Variants in SPAG16 observed in about 807,000 individuals in gnomAD.
The protein encoded by SPAG16 is sperm associated antigen 16.
Under a neutral mutation model 80.4 loss-of-function variants are expected in SPAG16, and 86 were observed. The ratio of observed to expected loss-of-function variants is 1.07; its 90% confidence interval spans 0.90 to 1.28. SPAG16 has a LOEUF of 1.28. SPAG16 is among the 50% of genes most tolerant of loss of function. The pLI is 0.00. For synonymous variants in SPAG16, 294 were observed against 265.9 expected (o/e 1.11, Z -1.03); for missense variants, 870 against 765.3 (o/e 1.14, Z -1.61).
chr2:214,096,797 A>G (rs2052621253), intron 13 of SPAG16, among the ~76,000 whole-genome samples: 1 of 152,090 alleles, frequency 6.6e-6, no homozygotes, highest in African/African-American at 2.4e-5. Flanking sequence ...TTCAGCAAAC[A>G]TTTTAAAAGC....
At chr2:213,756,022 C>T (rs1345467180) in intron 10 of SPAG16, among the ~76,000 whole-genome samples, 1 of 152,170 alleles carries the variant, frequency 6.6e-6, no homozygotes, top group East Asian at 1.9e-4. Flanking sequence ...CAAGATTATG[C>T]AGCTACTTAA....
intron 7 of SPAG16, among the ~76,000 whole-genome samples, chr2:213,361,729 C>T (rs1203364318): frequency 2.0e-5 from 3 of 151,188 alleles, no homozygotes; most frequent in Non-Finnish European, 4.4e-5. Context: ...CTGTAGTGGG[C>T]ACCTGCAGAG....
chr2:214,139,966 G>A (rs77212883), intron 14 of SPAG16, among the ~76,000 whole-genome samples: 1 of 152,052 alleles, frequency 6.6e-6, no homozygotes, highest in Admixed American at 6.6e-5. Context: ...GACTTATAAG[G>A]CTCTACTTGA....
intron 10 of SPAG16, among the ~76,000 whole-genome samples, chr2:213,844,712 T>TTA (rs1450513111): frequency 6.6e-6 from 1 of 152,188 alleles, no homozygotes; most frequent in Non-Finnish European, 1.5e-5. Flanking sequence ...TAAATTAGTT[T>TTA]TAAATATTCA....
At chr2:213,713,808 T>G (rs2066112335) in intron 10 of SPAG16, among the ~76,000 whole-genome samples, 1 of 152,174 alleles carries the variant, frequency 6.6e-6, no homozygotes, top group African/African-American at 2.4e-5. Context: ...TTTAAGACCA[T>G]GAGGTAGCTT....
At chr2:213,320,116 A>G (rs2063553293) in intron 5 of SPAG16, among the ~76,000 whole-genome samples, 1 of 152,010 alleles carries the variant, frequency 6.6e-6, no homozygotes, top group Admixed American at 6.6e-5. Flanking sequence ...CTTTCACAGC[A>G]CATTTTAGTA....
intron 15 of SPAG16, among the ~76,000 whole-genome samples, chr2:214,274,303 T>C (rs1190280692): frequency 6.6e-6 from 1 of 152,332 alleles, no homozygotes. Flanking sequence ...TCCTGCCTGA[T>C]TGCCCTGGCC....
At chr2:213,506,112 C>G (rs2074956871) in intron 10 of SPAG16, among the ~76,000 whole-genome samples, 1 of 151,982 alleles carries the variant, frequency 6.6e-6, no homozygotes, top group African/African-American at 2.4e-5. Flanking sequence ...TAGAATTAAA[C>G]TACGTCTATC....
intron 10 of SPAG16, among the ~76,000 whole-genome samples, chr2:213,785,983 G>A (rs560802177): frequency 7.9e-5 from 12 of 151,466 alleles, no homozygotes; most frequent in African/African-American, 2.4e-4. Context: ...CTCCAGCCTC[G>A]GCGACAAGAG....
chr2:213,411,804 C>T (rs754296102), intron 9 of SPAG16, among the ~76,000 whole-genome samples: 2 of 151,870 alleles, frequency 1.3e-5, no homozygotes, highest in African/African-American at 2.4e-5. Flanking sequence ...CTCATAAAAA[C>T]GGCACTTACT....
At chr2:213,608,805 C>G (rs1289007541) in intron 10 of SPAG16, among the ~76,000 whole-genome samples, 1 of 152,252 alleles carries the variant, frequency 6.6e-6, no homozygotes. Context: ...CCTGCCTCAG[C>G]CTCCCGAGTA....
rs538521074 is a variant in SPAG16, at chr2:214,140,206, C to CT, written c.1594-8924dup. On this transcript the variant is annotated intron_variant, in intron 14 of 15. Transcript: ENST00000331683. ...TTGGCAGAGTTTCCTTTTTCTCTCT[C>CT]TTTTTTTTTTGTTTTGTTTGTCACC... is the stretch of plus-strand genomic sequence containing the variant. Among the ~76,000 whole-genome samples, 226 of 147,664 alleles carry CT rather than the reference C, an allele frequency of 1.5e-3. 1 individual carries two copies. The highest frequency in any genetic ancestry group is 2.6e-3 in the East Asian group (13 of 5,076).
At chr2:213,907,240 AAAG>A (rs1290701463) in intron 11 of SPAG16, among the ~76,000 whole-genome samples, 1 of 152,220 alleles carries the variant, frequency 6.6e-6, no homozygotes, top group African/African-American at 2.4e-5. Context: ...ACATATTTTA[AAAG>A]AAGATGTACA....
intron 9 of SPAG16, among the ~76,000 whole-genome samples, chr2:213,479,094 CTTTTTTTTT>C (rs148476714): frequency 2.1e-5 from 2 of 94,328 alleles, no homozygotes; most frequent in South Asian, 3.9e-4. Context: ...CACTGGCTTC[CTTTTTTTTT>C]TTTTTTTTTT....
At chr2:213,627,773 G>A (rs1462277918) in intron 10 of SPAG16, among the ~76,000 whole-genome samples, 5 of 152,144 alleles carry the variant, frequency 3.3e-5, no homozygotes, top group Non-Finnish European at 7.4e-5. Context: ...GTATGCCAAT[G>A]GGTATTCATA....
chr2:213,315,200 A>T (rs2063349081), intron 4 of SPAG16, among the ~76,000 whole-genome samples: 1 of 151,914 alleles, frequency 6.6e-6, no homozygotes, highest in Non-Finnish European at 1.5e-5. Flanking sequence ...ATACACAGGG[A>T]TTAAAATTGT....
chr2:213,704,689 C>G (rs749306302), intron 10 of SPAG16, among the ~76,000 whole-genome samples: 4 of 152,066 alleles, frequency 2.6e-5, no homozygotes, highest in Non-Finnish European at 5.9e-5. Context: ...CCAGCGTTGT[C>G]CCTTCCTTTT....
At chr2:213,530,541 G>T (rs1449956943) in intron 10 of SPAG16, among the ~76,000 whole-genome samples, 1 of 152,100 alleles carries the variant, frequency 6.6e-6, no homozygotes, top group East Asian at 1.9e-4. Context: ...AATGAAAAAT[G>T]ATCCAAACCT....
At chr2:214,130,786 A>C (rs1245752129) in intron 14 of SPAG16, among the ~76,000 whole-genome samples, 3 of 152,204 alleles carry the variant, frequency 2.0e-5, no homozygotes, top group Non-Finnish European at 4.4e-5. Context: ...AACTCACATG[A>C]GAGTCAGAAC....
Sources: gnomAD v4.1 joint callset for allele counts (sites outside exome capture counted in the v4.1 genomes callset) on GRCh38, gnomAD v4.1.1 for gene constraint, MANE v1.5 for transcripts, NCBI Gene and HGNC (gene_info 2026-07-23, HGNC 2026-07-21) for gene names.